Variants in ABCC4 observed in about 807,000 individuals in gnomAD.
The protein encoded by ABCC4 is ATP binding cassette subfamily C member 4 (PEL blood group).
In ABCC4, 102 loss-of-function variants were observed where a neutral mutation model predicts 168.5. The ratio of observed to expected loss-of-function variants is 0.61; its 90% confidence interval spans 0.52 to 0.71. The LOEUF (loss-of-function observed/expected upper bound fraction) is 0.71. ABCC4 is among the 30% of genes least tolerant of loss of function. The pLI is 0.00. For synonymous variants in ABCC4, 617 were observed against 590.7 expected, an observed-to-expected ratio of 1.04 and a Z score of -0.65; for missense variants, 1,402 against 1,605.8, an observed-to-expected ratio of 0.87 and a Z score of 2.17.
chr13:95,032,662 T>A (rs964221151), intron 30 of ABCC4, among the ~76,000 whole-genome samples: 2 of 110,490 alleles, frequency 1.8e-5, no homozygotes, highest in Admixed American at 8.4e-5. Context: ...ATTTTCTTTT[T>A]CTTTTTTCTT....
At chr13:95,135,626 C>T (rs1291125101) in intron 19 of ABCC4, among the ~76,000 whole-genome samples, 1 of 152,070 alleles carries the variant, frequency 6.6e-6, no homozygotes, top group Non-Finnish European at 1.5e-5. Context: ...GTTGACCAAG[C>T]TGGTCTTGAA....
At chr13:95,244,669 G>GAAAGAAAGAAATAAATAAAT (rs780621852) in intron 3 of ABCC4, among the ~76,000 whole-genome samples, 1 of 68,008 alleles carries the variant, frequency 1.5e-5, no homozygotes, top group African/African-American at 7.6e-5. Context: ...AAGAAAGAAA[G>GAAAGAAAGAAATAAATAAAT]AAATCATAGC....
At chr13:95,058,521 A>C (rs1358044358) in intron 26 of ABCC4, among the ~76,000 whole-genome samples, 3 of 134,638 alleles carry the variant, frequency 2.2e-5, no homozygotes. Context: ...GTGAGCTGAG[A>C]TGGCGTCACT....
chr13:95,106,769 C>T (rs1348443511), intron 20 of ABCC4, among the ~76,000 whole-genome samples: 3 of 15,658 alleles, frequency 1.9e-4, no homozygotes, highest in African/African-American at 9.2e-4. Flanking sequence ...GTTGTGAAAT[C>T]ATGGCTGTTT....
chr13:95,081,705 T>C (rs1206493845), intron 21 of ABCC4, among the ~76,000 whole-genome samples: 1 of 152,146 alleles, frequency 6.6e-6, no homozygotes, highest in East Asian at 1.9e-4. Context: ...AAATGCCTCT[T>C]AGAGTTCACT....
intron 4 of ABCC4, among the ~76,000 whole-genome samples, chr13:95,233,603 CAA>C (rs144135571): frequency 0.016 from 2,409 of 152,104 alleles, 55 homozygotes; most frequent in East Asian, 0.084. Flanking sequence ...CAGCATCACA[CAA>C]TACACCCATG....
intron 20 of ABCC4, among the ~76,000 whole-genome samples, chr13:95,099,377 T>C (rs1183107906): frequency 6.6e-6 from 1 of 152,178 alleles, no homozygotes; most frequent in Non-Finnish European, 1.5e-5. Flanking sequence ...GGAGACTTCC[T>C]GAGGAGATGG....
At chr13:95,145,720 T>C (rs1224558230) in intron 19 of ABCC4, among the ~76,000 whole-genome samples, 1 of 151,976 alleles carries the variant, frequency 6.6e-6, no homozygotes, top group African/African-American at 2.4e-5. Context: ...AATGGTGGCC[T>C]GGATAAAGAA....
At chr13:95,143,876 T>C (rs978669074) in intron 19 of ABCC4, among the ~76,000 whole-genome samples, 2 of 152,192 alleles carry the variant, frequency 1.3e-5, no homozygotes, top group Non-Finnish European at 2.9e-5. Context: ...GTAAAAACTT[T>C]TTTCTCCCAT....
intron 25 of ABCC4, among the ~76,000 whole-genome samples, chr13:95,064,297 T>TATATATATATACAC (rs1555306881): frequency 2.1e-4 from 22 of 105,164 alleles, no homozygotes; most frequent in Admixed American, 5.6e-4. Flanking sequence ...TATATATATA[T>TATATATATATACAC]ACACACACAC....
At chr13:95,290,344 C>G (rs189978731) in intron 1 of ABCC4, among the ~76,000 whole-genome samples, 270 of 152,130 alleles carry the variant, frequency 1.8e-3, no homozygotes, top group Middle Eastern at 3.4e-3. Context: ...TGCACATCAA[C>G]AATCATTTGA....
intron 9 of ABCC4, among the ~76,000 whole-genome samples, chr13:95,192,333 C>T (rs1449928304): frequency 6.6e-6 from 1 of 152,082 alleles, no homozygotes; most frequent in Non-Finnish European, 1.5e-5. Flanking sequence ...CCCTCTCAGC[C>T]GCAGGACCTC....
At chr13:95,062,368 C>A (rs56695310) in intron 26 of ABCC4, among the ~76,000 whole-genome samples, 5,819 of 152,126 alleles carry the variant, frequency 0.038, 389 homozygotes, top group African/African-American at 0.13. Flanking sequence ...ATCCACATCT[C>A]CCCATAGAAA....
intron 5 of ABCC4, among the ~76,000 whole-genome samples, chr13:95,210,201 G>C (rs571401177): frequency 6.6e-6 from 1 of 152,350 alleles, no homozygotes; most frequent in African/African-American, 2.4e-5. Flanking sequence ...GATACTGGGC[G>C]GGTATGGTGT....
intron 19 of ABCC4, among the ~76,000 whole-genome samples, chr13:95,123,554 G>T (rs757388377): frequency 2.0e-5 from 3 of 152,146 alleles, no homozygotes; most frequent in Non-Finnish European, 4.4e-5. Flanking sequence ...TAGAGACGGG[G>T]TTTCACCATG....
At chr13:95,043,548 A>T in intron 29 of ABCC4, 134 bp downstream of exon 29, 1 of 606,102 alleles carries the variant, frequency 1.6e-6, no homozygotes, top group South Asian at 2.8e-5. Context: ...CATATGAATT[A>T]CTGCTGGGAA....
At chr13:95,171,883 T>C (rs1373520565) in intron 13 of ABCC4, among the ~76,000 whole-genome samples, 3 of 152,208 alleles carry the variant, frequency 2.0e-5, no homozygotes, top group African/African-American at 7.2e-5. Context: ...AGTATACCTC[T>C]TCAGGTTTAG....
chr13:95,021,522 TC>T lies in ABCC4; in HGVS notation c.*52del. 7.5e-7 allele frequency: 1 copy of T among 1,329,458 alleles called. No homozygotes were observed. The highest frequency in any genetic ancestry group is 1.1e-6 in the Non-Finnish European group (1 of 925,754). The allele number at this position is 1,329,458 out of a possible 1,614,324, so 82.4% of individuals were successfully genotyped here. Reference sequence around the variant, plus strand: ...AAAAAGTACAATGTGGTTTACATAGTCCAAAAACTAGTGGAAAATGCCTTCG... The same window carrying T: ...AAAAAGTACAATGTGGTTTACATAGTCAAAAACTAGTGGAAAATGCCTTCG... On this transcript the variant is annotated 3_prime_UTR_variant, in exon 31 of 31. Transcript: ENST00000645237.
chr13:95,141,897 A>G (rs1195055151), intron 19 of ABCC4, among the ~76,000 whole-genome samples: 1 of 152,198 alleles, frequency 6.6e-6, no homozygotes, highest in African/African-American at 2.4e-5. Flanking sequence ...CACAGTGTCC[A>G]GCTCTATCTT....
Sources: allele counts gnomAD v4.1 joint callset (sites outside exome capture counted in the v4.1 genomes callset), GRCh38; gene constraint gnomAD v4.1.1; transcripts MANE v1.5; gene names NCBI Gene and HGNC (gene_info 2026-07-23, HGNC 2026-07-21).